Variants in GYS2 observed in about 807,000 individuals in gnomAD.
The protein encoded by GYS2 is glycogen [starch] synthase, liver.
A neutral mutation model predicts 85.6 loss-of-function variants in GYS2; 80 were observed. The observed-to-expected ratio is 0.93, with a 90% CI of 0.78 to 1.13. The LOEUF (loss-of-function observed/expected upper bound fraction) is 1.13. Ranked by LOEUF, GYS2 falls within the 50% of genes most tolerant of loss-of-function variation. The probability of loss-of-function intolerance (pLI) is 0.00; values close to 1 mark genes in which losing one functional copy is unlikely to be tolerated. For synonymous variants in GYS2, 328 were observed against 300.7 expected (o/e 1.09, Z -0.94); for missense variants, 881 against 854.9 (o/e 1.03, Z -0.38).
chr12:21,580,396 A>G lies in GYS2; in HGVS notation c.249T>C (p.Pro83=), dbSNP rs141639243. The change falls in exon 2 of 16, where the codon CCT becomes CCC. Residue 83 remains proline (P), a synonymous_variant. Transcript: ENST00000261195. ...CTGCTCTTCTGACAGCATCATTTAC[A>G]GGTTCACACTGTTCCACCTGAGTCT... ...NMKTQVEQCE[P]VNDAVRRAVD... is the part of the protein sequence containing the mutation. 3.1e-6 allele frequency: 5 copies of G among 1,613,790 alleles called. No individual in the cohort carries two copies. The African/African-American group carries it at 6.7e-5, about 22-fold the overall frequency.
intron 12 of GYS2, among the ~76,000 whole-genome samples, chr12:21,544,789 T>G (rs1466748968): frequency 6.6e-6 from 1 of 152,228 alleles, no homozygotes; most frequent in Non-Finnish European, 1.5e-5. Context: ...GACAATCCTT[T>G]GTCTATTTTC....
At chr12:21,564,535 A>G (rs1292147125) in intron 5 of GYS2, among the ~76,000 whole-genome samples, 1 of 152,134 alleles carries the variant, frequency 6.6e-6, no homozygotes, top group East Asian at 1.9e-4. Context: ...GAAAATAAAA[A>G]CTTACTGATT....
chr12:21,539,377 C>T lies in GYS2; in HGVS notation c.1810-39G>A, dbSNP rs193141153. ...GCCAAATCACAGGTTAATAAAAACCCTTAGATATCTCAATAATCAAGTTAT... is the reference window on the plus strand; with the variant it reads ...GCCAAATCACAGGTTAATAAAAACCTTTAGATATCTCAATAATCAAGTTAT... On this transcript the variant is annotated intron_variant, in intron 14 of 15. Coordinates refer to ENST00000261195, the MANE Select transcript of GYS2 (RefSeq NM_021957.4). 911 of 1,053,570 alleles carry T rather than the reference C, an allele frequency of 8.6e-4. 7 individuals carry two copies. Among genetic ancestry groups the T allele is most frequent in the Middle Eastern group, 2.1e-3 (10 of 4,684 alleles). 65.3% of individuals were successfully genotyped at this position (1,053,570 alleles called of 1,614,324 possible).
intron 1 of GYS2, among the ~76,000 whole-genome samples, chr12:21,599,422 G>A (rs918455372): frequency 2.0e-5 from 3 of 152,186 alleles, no homozygotes; most frequent in Non-Finnish European, 4.4e-5. Context: ...AGCAGCTGCA[G>A]TCTTGGCAGT....
rs1217435046 is a variant in GYS2 at position 21,575,976 on chromosome 12, T to G, written c.385A>C (p.Arg129=). 2.5e-6 allele frequency: 4 copies of G among 1,613,824 alleles called. No homozygotes were observed. Among genetic ancestry groups the G allele is most frequent in the Non-Finnish European group, 3.4e-6 (4 of 1,179,748 alleles). ...DIGYSAWNLD[R]WKGDLWEACS... is the part of the protein sequence containing the mutation. ...GCTTCCCAGAGGTCACCCTTCCACCTGTCCAGATTCCAAGCTGAATAGCCT... is the reference window on the plus strand; with the variant it reads ...GCTTCCCAGAGGTCACCCTTCCACCGGTCCAGATTCCAAGCTGAATAGCCT... Residue 129 remains arginine (R), a synonymous_variant, in exon 3 of 16, where the codon AGG becomes CGG. Coordinates refer to ENST00000261195, the MANE Select transcript of GYS2 (RefSeq NM_021957.4).
Position 21,576,077 on chromosome 12 carries a change from GC to G in GYS2, c.304-21del. On this transcript the variant is annotated intron_variant, in intron 2 of 15. Coordinates refer to ENST00000261195, the MANE Select transcript of GYS2 (RefSeq NM_021957.4). ...ATGCACCTGTCATATAAAGAACACA[GC>G]CATGTAGTGATATTAAGTCATGCAA... is the stretch of plus-strand genomic sequence containing the variant. 1 of 1,590,058 alleles carries G rather than the reference GC, an allele frequency of 6.3e-7. No homozygotes were observed. The highest frequency in any genetic ancestry group is 8.6e-7 in the Non-Finnish European group (1 of 1,162,162).
intron 5 of GYS2, among the ~76,000 whole-genome samples, chr12:21,567,538 T>G (rs1445886050): frequency 6.6e-5 from 10 of 151,748 alleles, no homozygotes; most frequent in South Asian, 4.2e-4. Flanking sequence ...CTTGTTTTTT[T>G]TTTTTTTTTT....
intron 11 of GYS2, among the ~76,000 whole-genome samples, chr12:21,555,386 C>G (rs1293686699): frequency 6.6e-6 from 1 of 151,976 alleles, no homozygotes; most frequent in Non-Finnish European, 1.5e-5. Context: ...AGGGATGTAG[C>G]TCACTTATTA....
At chr12:21,577,551 C>T (rs2136908823) in intron 2 of GYS2, among the ~76,000 whole-genome samples, 1 of 152,326 alleles carries the variant, frequency 6.6e-6, no homozygotes, top group African/African-American at 2.4e-5. Context: ...CATTTATTTG[C>T]ATCCTGATAG....
intron 2 of GYS2, among the ~76,000 whole-genome samples, chr12:21,579,346 CTTCTT>C (rs1340511508): frequency 9.3e-5 from 11 of 118,278 alleles, no homozygotes; most frequent in East Asian, 8.2e-4. Flanking sequence ...TTTCTTACTT[CTTCTT>C]TTTTTTTTTT....
At chr12:21,599,444 C>T (rs147862266) in intron 1 of GYS2, among the ~76,000 whole-genome samples, 3 of 152,172 alleles carry the variant, frequency 2.0e-5, no homozygotes, top group South Asian at 2.1e-4. Flanking sequence ...GGAGGTGATA[C>T]TCACACTTTG....
At chr12:21,550,235 GCA>G in intron 11 of GYS2, among the ~76,000 whole-genome samples, 1 of 151,966 alleles carries the variant, frequency 6.6e-6, no homozygotes, top group Admixed American at 6.6e-5. Context: ...ATGGCATTTA[GCA>G]ATCAAGACGT....
chr12:21,546,300 C>T lies in GYS2; in HGVS notation c.1549+44G>A, dbSNP rs751261407. The T allele has an allele frequency of 1.3e-5, 18 of 1,381,432 alleles. No homozygotes were observed. In the Admixed American group the frequency reaches 2.6e-4, roughly 20 times the overall value. The allele number at this position is 1,381,432 out of a possible 1,614,324, so 85.6% of individuals were successfully genotyped here. On this transcript the variant is annotated intron_variant, in intron 12 of 15. Coordinates refer to ENST00000261195, the MANE Select transcript of GYS2 (RefSeq NM_021957.4). ...ATATATATGCACATAAAATAATATA[C>T]TAACAAAATTCAAAACATTCCACAC...
intron 1 of GYS2, among the ~76,000 whole-genome samples, chr12:21,590,763 T>C (rs1944629435): frequency 6.6e-6 from 1 of 152,152 alleles, no homozygotes; most frequent in Admixed American, 6.5e-5. Context: ...CCACCACCAC[T>C]GGGGCCAAGG....
At chr12:21,595,784 A>G (rs372259254) in intron 1 of GYS2, among the ~76,000 whole-genome samples, 24 of 152,322 alleles carry the variant, frequency 1.6e-4, no homozygotes, top group East Asian at 9.6e-4. Flanking sequence ...TGGAGCTCCC[A>G]AATTTATAGA....
chr12:21,560,242 A>G lies in GYS2; in HGVS notation c.1169+144T>C, dbSNP rs921687805. Reference sequence around the variant, plus strand: ...CATTACGATAACCTAAAATAGTAGCACGATGAAAAGAGAGTCAAGTATTAT... The same window carrying G: ...CATTACGATAACCTAAAATAGTAGCGCGATGAAAAGAGAGTCAAGTATTAT... On this transcript the variant is annotated intron_variant, in intron 8 of 15. Coordinates refer to ENST00000261195, the MANE Select transcript of GYS2 (RefSeq NM_021957.4). 300 of 657,306 alleles carry G rather than the reference A, an allele frequency of 4.6e-4. 5 individuals are homozygous for G. In the Admixed American group the frequency reaches 6.7e-3, roughly 15 times the overall value. The allele number at this position is 657,306 out of a possible 1,614,324, so 40.7% of individuals were successfully genotyped here.
chr12:21,555,674 T>C (rs563329209), intron 11 of GYS2, among the ~76,000 whole-genome samples: 6 of 152,298 alleles, frequency 3.9e-5, no homozygotes, highest in Admixed American at 1.3e-4. Context: ...TTCCTCATGA[T>C]TGCTTCTTTA....
At chr12:21,556,969 A>G (rs1440430267) in intron 11 of GYS2, among the ~76,000 whole-genome samples, 1 of 152,220 alleles carries the variant, frequency 6.6e-6, no homozygotes, top group Non-Finnish European at 1.5e-5. Context: ...GTACAATACA[A>G]CAGAAGGAAA....
At chr12:21,578,482 G>A (rs942708308) in intron 2 of GYS2, among the ~76,000 whole-genome samples, 2 of 152,148 alleles carry the variant, frequency 1.3e-5, no homozygotes, top group South Asian at 2.1e-4. Flanking sequence ...AGTCACAGCC[G>A]TGTGTATTTG....
Sources: allele counts gnomAD v4.1 joint callset (sites outside exome capture counted in the v4.1 genomes callset), GRCh38; gene constraint gnomAD v4.1.1; transcripts MANE v1.5; gene names NCBI Gene and HGNC (gene_info 2026-07-23, HGNC 2026-07-21).